The following TENM2 variants were observed in gnomAD, a reference collection of about 807,000 sequenced individuals.
The protein encoded by TENM2 is teneurin transmembrane protein 2, also known as teneurin-2.
TENM2 carries 52 observed loss-of-function variants against 245.2 expected under a neutral mutation model. That is an observed-to-expected ratio of 0.21 (90% CI 0.17 to 0.27). TENM2 has a LOEUF of 0.27. TENM2 is among the 10% of genes least tolerant of loss of function. The pLI, the probability that TENM2 is intolerant of heterozygous loss-of-function variation, is 1.00. For synonymous variants in TENM2, 1,363 were observed against 1,438.9 expected (o/e 0.95, Z 1.19); for missense variants, 3,046 against 3,666.8 (o/e 0.83, Z 4.37).
At chr5:167,202,272 G>A in the TENM2 span, among the ~76,000 whole-genome samples, 1 of 152,152 alleles carries the variant, frequency 6.6e-6, no homozygotes, top group Non-Finnish European at 1.5e-5. Context: ...ATCTCCTGCT[G>A]CATCTCCCGG....
At chr5:167,411,312 C>G (rs1030096541) in intron 2 of TENM2, among the ~76,000 whole-genome samples, 8 of 152,028 alleles carry the variant, frequency 5.3e-5, no homozygotes, top group Non-Finnish European at 8.8e-5. Flanking sequence ...TACTGGATTT[C>G]CAATTATTAG....
At chr5:167,163,619 T>G in the TENM2 span, among the ~76,000 whole-genome samples, 2 of 152,158 alleles carry the variant, frequency 1.3e-5, 1 homozygote, top group Non-Finnish European at 2.9e-5. Flanking sequence ...CACCAGGGAC[T>G]TTAAATCAGT....
intron 2 of TENM2, among the ~76,000 whole-genome samples, chr5:167,825,454 G>C (rs1197293180): frequency 6.6e-6 from 1 of 152,188 alleles, no homozygotes; most frequent in Non-Finnish European, 1.5e-5. Flanking sequence ...CTGAGCGTTT[G>C]CTTAGAAGAG....
At chr5:167,532,822 G>A (rs1582310091) in intron 2 of TENM2, among the ~76,000 whole-genome samples, 1 of 99,686 alleles carries the variant, frequency 1.0e-5, no homozygotes, top group Admixed American at 1.3e-4. Context: ...ATGTGTGTGT[G>A]TGTGTATATA....
intron 8 of TENM2, among the ~76,000 whole-genome samples, chr5:168,091,408 A>G (rs1006335265): frequency 6.6e-6 from 1 of 152,208 alleles, no homozygotes; most frequent in Admixed American, 6.5e-5. Flanking sequence ...CGAAGTTTCA[A>G]CCAAAATGTC....
At chr5:168,114,181 C>T (rs1332038497) in intron 9 of TENM2, among the ~76,000 whole-genome samples, 1 of 152,160 alleles carries the variant, frequency 6.6e-6, no homozygotes, top group Non-Finnish European at 1.5e-5. Flanking sequence ...ATACATGTTA[C>T]CTCACTGAAC....
chr5:167,966,134 C>T (rs147200421), intron 4 of TENM2, among the ~76,000 whole-genome samples: 365 of 152,250 alleles, frequency 2.4e-3, no homozygotes, highest in African/African-American at 8.3e-3. Flanking sequence ...GGTGGCAACC[C>T]GGATGGTAAA....
At chr5:167,212,424 A>T in the TENM2 span, among the ~76,000 whole-genome samples, 1 of 152,194 alleles carries the variant, frequency 6.6e-6, no homozygotes, top group Non-Finnish European at 1.5e-5. Context: ...AATCTACTTG[A>T]TGTATTCTTG....
At chr5:167,015,407 G>T in the TENM2 span, among the ~76,000 whole-genome samples, 6 of 152,268 alleles carry the variant, frequency 3.9e-5, no homozygotes, top group Admixed American at 3.9e-4. Flanking sequence ...GTGTTTGGCT[G>T]AGTTTGCAAC....
rs149679172 is a variant in TENM2 at position 167,936,558 on chromosome 5, C to T, written c.713-16030C>T. Among the ~76,000 whole-genome samples the T allele has an allele frequency of 4.3e-3, 662 of 152,264 alleles. 10 individuals carry two copies. Among genetic ancestry groups the T allele is most frequent in the African/African-American group, 0.015 (621 of 41,558 alleles). On this transcript the variant is annotated intron_variant, in intron 3 of 28. Transcript: ENST00000518659. The stretch of plus-strand genomic sequence containing the variant: ...GTGTCTCTGCCTGAAATGGCTCCTA[C>T]CGTTAAGCAAGTCTTTCCCCCATCC...
At chr5:168,062,895 T>G (rs1361382108) in intron 7 of TENM2, among the ~76,000 whole-genome samples, 3 of 152,298 alleles carry the variant, frequency 2.0e-5, no homozygotes, top group South Asian at 2.1e-4. Flanking sequence ...ACGGGGTTTT[T>G]GGGGGGTAGT....
chr5:166,983,343 G>A, the TENM2 span, among the ~76,000 whole-genome samples: 1 of 152,032 alleles, frequency 6.6e-6, no homozygotes. Flanking sequence ...CTCAGAAATA[G>A]TTTGCAAGTA....
chr5:167,552,122 A>T (rs946996644), intron 2 of TENM2, among the ~76,000 whole-genome samples: 1 of 152,212 alleles, frequency 6.6e-6, no homozygotes, highest in Admixed American at 6.5e-5. Flanking sequence ...TCTCTAGGCC[A>T]TTGTCATTGC....
chr5:168,083,513 C>T (rs765002490), intron 7 of TENM2, among the ~76,000 whole-genome samples: 9 of 152,302 alleles, frequency 5.9e-5, no homozygotes, highest in South Asian at 2.1e-4. Flanking sequence ...AGAAATCACC[C>T]GTCTTCTGCA....
intron 5 of TENM2, among the ~76,000 whole-genome samples, chr5:168,034,348 A>C (rs1787470818): frequency 1.3e-5 from 2 of 150,876 alleles, no homozygotes. Flanking sequence ...CTAAAAAAAA[A>C]AAAAAAAAAT....
intron 2 of TENM2, among the ~76,000 whole-genome samples, chr5:167,730,680 T>C (rs569153110): frequency 1.4e-4 from 21 of 152,358 alleles, no homozygotes; most frequent in Admixed American, 7.2e-4. Context: ...GGACTTCTTA[T>C]GACTAAGAGT....
chr5:167,808,965 C>T (rs1766433202), intron 2 of TENM2, among the ~76,000 whole-genome samples: 1 of 152,158 alleles, frequency 6.6e-6, no homozygotes, highest in African/African-American at 2.4e-5. Flanking sequence ...GGGAAAAACT[C>T]AGCCAATTAA....
intron 2 of TENM2, among the ~76,000 whole-genome samples, chr5:167,564,825 T>C (rs1423926862): frequency 6.6e-6 from 1 of 152,252 alleles, no homozygotes; most frequent in African/African-American, 2.4e-5. Context: ...GGCAAGCCCC[T>C]ATGCTCAAGA....
intron 2 of TENM2, among the ~76,000 whole-genome samples, chr5:167,727,762 A>G (rs1166109650): frequency 6.6e-6 from 1 of 152,242 alleles, no homozygotes; most frequent in Non-Finnish European, 1.5e-5. Flanking sequence ...AGATGAAGAT[A>G]TTGAGGCCCA....
Sources: allele counts gnomAD v4.1 joint callset (sites outside exome capture counted in the v4.1 genomes callset), GRCh38; gene constraint gnomAD v4.1.1; transcripts MANE v1.5; gene names NCBI Gene and HGNC (gene_info 2026-07-23, HGNC 2026-07-21).